Variants in CACNA2D3 observed in about 807,000 individuals in gnomAD.
The protein encoded by CACNA2D3 is voltage-dependent calcium channel subunit alpha-2/delta-3.
In CACNA2D3, 60 loss-of-function variants were observed where a neutral mutation model predicts 160.6. The ratio of observed to expected loss-of-function variants is 0.37; its 90% CI spans 0.30 to 0.46. The LOEUF is 0.46. Among genes scored for constraint, CACNA2D3 ranks in the 20% least tolerant of loss-of-function variants. The pLI, the probability that CACNA2D3 is intolerant of heterozygous loss-of-function variation, is 1.00. For synonymous variants in CACNA2D3, 558 were observed against 492.9 expected, an observed-to-expected ratio of 1.13 and a Z score of -1.75; for missense variants, 1,205 against 1,365.0, an observed-to-expected ratio of 0.88 and a Z score of 1.85.
intron 3 of CACNA2D3, chr3:54,367,553 C>G (rs1390691039): frequency 2.9e-6 from 1 of 347,738 alleles, no homozygotes; most frequent in Non-Finnish European, 5.8e-6. Context: ...GGAATGAAAC[C>G]CATCAGAGTG....
chr3:54,836,360 G>A (rs1335772449), intron 14 of CACNA2D3, among the ~76,000 whole-genome samples: 3 of 151,048 alleles, frequency 2.0e-5, no homozygotes, highest in African/African-American at 7.3e-5. Context: ...TCAGCCTCCC[G>A]AGTAGCTGGG....
At chr3:54,443,839 C>T (rs933444977) in intron 4 of CACNA2D3, among the ~76,000 whole-genome samples, 6 of 152,128 alleles carry the variant, frequency 3.9e-5, no homozygotes, top group African/African-American at 1.2e-4. Context: ...TCAAAGTGAC[C>T]GCAAAGTCAT....
intron 31 of CACNA2D3, among the ~76,000 whole-genome samples, chr3:55,003,261 A>T (rs1335445625): frequency 6.6e-6 from 1 of 152,166 alleles, no homozygotes; most frequent in Admixed American, 6.5e-5. Context: ...TCGACTTTAC[A>T]TGTCTCTCCT....
At chr3:54,711,015 A>G (rs575646063) in intron 11 of CACNA2D3, among the ~76,000 whole-genome samples, 1 of 152,302 alleles carries the variant, frequency 6.6e-6, no homozygotes, top group South Asian at 2.1e-4. Context: ...GATAGAAGGT[A>G]ATTGAACTTT....
At chr3:55,070,745 A>G (rs1020001846) in intron 35 of CACNA2D3, among the ~76,000 whole-genome samples, 4 of 152,234 alleles carry the variant, frequency 2.6e-5, no homozygotes, top group African/African-American at 9.6e-5. Context: ...GTTCTACCGC[A>G]CAAATGTGAA....
At chr3:54,864,345 C>A (rs1559608778) in intron 17 of CACNA2D3, among the ~76,000 whole-genome samples, 1 of 152,122 alleles carries the variant, frequency 6.6e-6, no homozygotes, top group East Asian at 1.9e-4. Context: ...ACAATCTCAG[C>A]CCACTGCAAC....
At chr3:54,786,402 C>T (rs1452426910) in intron 13 of CACNA2D3, among the ~76,000 whole-genome samples, 2 of 152,160 alleles carry the variant, frequency 1.3e-5, no homozygotes, top group African/African-American at 2.4e-5. Context: ...TTACCTAATG[C>T]TTCTGCAGTC....
At chr3:54,863,200 G>A (rs751614223) in intron 17 of CACNA2D3, among the ~76,000 whole-genome samples, 1 of 152,198 alleles carries the variant, frequency 6.6e-6, no homozygotes, top group African/African-American at 2.4e-5. Context: ...TTTCGAGGCT[G>A]TCTTGCATCT....
intron 2 of CACNA2D3, among the ~76,000 whole-genome samples, chr3:54,234,077 CCT>C (rs1476252549): frequency 6.6e-6 from 1 of 152,030 alleles, no homozygotes; most frequent in Non-Finnish European, 1.5e-5. Flanking sequence ...AAACAGACAA[CCT>C]GCAGAATAGG....
intron 25 of CACNA2D3, among the ~76,000 whole-genome samples, chr3:54,894,042 A>G (rs1487679687): frequency 6.6e-6 from 1 of 152,020 alleles, no homozygotes; most frequent in Non-Finnish European, 1.5e-5. Flanking sequence ...CAGCGTTTTT[A>G]TTGTTCCCAT....
intron 3 of CACNA2D3, among the ~76,000 whole-genome samples, chr3:54,382,740 C>T (rs1049636957): frequency 6.6e-6 from 1 of 152,222 alleles, no homozygotes; most frequent in African/African-American, 2.4e-5. Flanking sequence ...GCCGAGATCA[C>T]GCCATTGCAC....
At chr3:54,357,343 A>G (rs1228218488) in intron 3 of CACNA2D3, among the ~76,000 whole-genome samples, 1 of 152,206 alleles carries the variant, frequency 6.6e-6, no homozygotes, top group Non-Finnish European at 1.5e-5. Context: ...GAACACAACA[A>G]ATACATTCCC....
At chr3:54,974,057 A>G (rs532591620) in intron 29 of CACNA2D3, among the ~76,000 whole-genome samples, 29 of 152,260 alleles carry the variant, frequency 1.9e-4, no homozygotes, top group East Asian at 1.4e-3. Context: ...TGTTTCTCCA[A>G]TCAAACAAAA....
At chr3:54,496,125 A>G (rs951879112) in intron 4 of CACNA2D3, among the ~76,000 whole-genome samples, 4 of 152,156 alleles carry the variant, frequency 2.6e-5, no homozygotes, top group African/African-American at 7.2e-5. Flanking sequence ...TCACACAAAT[A>G]TTTTTGTGGG....
intron 17 of CACNA2D3, among the ~76,000 whole-genome samples, chr3:54,859,945 ATT>A (rs1699250528): frequency 6.6e-6 from 1 of 150,624 alleles, no homozygotes; most frequent in Non-Finnish European, 1.5e-5. Flanking sequence ...CAAGAGACAA[ATT>A]TAGAACATCA....
intron 9 of CACNA2D3, among the ~76,000 whole-genome samples, chr3:54,598,743 A>G (rs1703007756): frequency 6.6e-6 from 1 of 152,212 alleles, no homozygotes; most frequent in South Asian, 2.1e-4. Flanking sequence ...ATATTTAGCT[A>G]ATGATAATGG....
At chr3:54,345,202 G>C (rs575505552) in intron 3 of CACNA2D3, among the ~76,000 whole-genome samples, 2 of 152,186 alleles carry the variant, frequency 1.3e-5, no homozygotes, top group South Asian at 4.2e-4. Flanking sequence ...CTTTCACTTT[G>C]CCCTGCAGAC....
intron 2 of CACNA2D3, among the ~76,000 whole-genome samples, chr3:54,306,810 CTG>C (rs1311041853): frequency 2.6e-5 from 4 of 152,178 alleles, no homozygotes; most frequent in Non-Finnish European, 5.9e-5. Flanking sequence ...GGCTATGTTA[CTG>C]TGTGTGTTAA....
intron 27 of CACNA2D3, among the ~76,000 whole-genome samples, chr3:54,960,643 G>C (rs1328092723): frequency 6.6e-6 from 1 of 152,144 alleles, no homozygotes; most frequent in African/African-American, 2.4e-5. Context: ...GAAAGCTTTT[G>C]AATTTGCCAG....
Sources: allele counts gnomAD v4.1 joint callset (sites outside exome capture counted in the v4.1 genomes callset), GRCh38; gene constraint gnomAD v4.1.1; transcripts MANE v1.5; gene names NCBI Gene and HGNC (gene_info 2026-07-23, HGNC 2026-07-21).